NDUFAF2: variants seen among roughly 807,000 people sequenced by gnomAD.
NDUFAF2 encodes NADH dehydrogenase [ubiquinone] 1 alpha subcomplex assembly factor 2.
Under a neutral mutation model 22.8 loss-of-function variants are expected in NDUFAF2, and 13 were observed. The observed-to-expected ratio is 0.57, with a 90% CI of 0.37 to 0.91. The LOEUF (loss-of-function observed/expected upper bound fraction) is 0.91. Ranked by LOEUF, NDUFAF2 falls within the 40% of genes least tolerant of loss-of-function variation. NDUFAF2 has a pLI of 0.01. For missense variants in NDUFAF2, 162 were observed against 195.2 expected (o/e 0.83, Z 1.01); for synonymous variants, 53 against 64.2 (o/e 0.83, Z 0.84).
Position 61,144,517 on chromosome 5 carries a change from C to T in NDUFAF2, c.259-8187C>T, listed in dbSNP as rs541363388. Among the ~76,000 whole-genome samples, 8 of 152,252 alleles carry T rather than the reference C, an allele frequency of 5.3e-5. No individual in the cohort carries two copies. The South Asian group carries it at 1.7e-3, about 32-fold the overall frequency. Reference sequence around the variant, plus strand: ...TTTGTATATATACTTAGATCTGCATCTAAATATTTGATTCCATTTAATAGT... The same window carrying T: ...TTTGTATATATACTTAGATCTGCATTTAAATATTTGATTCCATTTAATAGT... On this transcript the variant is annotated intron_variant, in intron 3 of 3. Transcript: ENST00000296597.
intron 3 of NDUFAF2, among the ~76,000 whole-genome samples, chr5:61,133,141 C>T (rs1254794923): frequency 6.6e-6 from 1 of 152,094 alleles, no homozygotes; most frequent in Admixed American, 6.5e-5. Flanking sequence ...GTCACAGGCA[C>T]TATGGATGAT....
intron 1 of NDUFAF2, among the ~76,000 whole-genome samples, chr5:61,072,159 C>T (rs2111730581): frequency 6.6e-6 from 1 of 152,292 alleles, no homozygotes; most frequent in East Asian, 1.9e-4. Flanking sequence ...CAAAGGGAGA[C>T]AAAACAGCAG....
chr5:61,147,437 C>CTTTCTTTTTTTTTTT (rs1741156553), intron 3 of NDUFAF2, among the ~76,000 whole-genome samples: 3 of 84,728 alleles, frequency 3.5e-5, no homozygotes. Context: ...TTTTTTCTTT[C>CTTTCTTTTTTTTTTT]TTTTTTTTTT....
intron 2 of NDUFAF2, among the ~76,000 whole-genome samples, chr5:61,089,901 T>G (rs1752546401): frequency 6.6e-6 from 1 of 152,074 alleles, no homozygotes; most frequent in African/African-American, 2.4e-5. Flanking sequence ...ATGATTTGTA[T>G]TCAATTGAAG....
intron 1 of NDUFAF2, among the ~76,000 whole-genome samples, chr5:61,039,385 A>T (rs529769787): frequency 1.8e-3 from 278 of 152,314 alleles, no homozygotes; most frequent in Non-Finnish European, 3.4e-3. Context: ...ACTAATAGAT[A>T]ATAGTTCTTC....
intron 1 of NDUFAF2, among the ~76,000 whole-genome samples, chr5:61,008,130 C>T (rs1751394284): frequency 8.0e-6 from 1 of 124,604 alleles, no homozygotes; most frequent in Middle Eastern, 6.7e-3. Flanking sequence ...GGAAGGGGAA[C>T]ATCACACTCT....
intron 1 of NDUFAF2, among the ~76,000 whole-genome samples, chr5:61,064,115 G>GACTTCAAGTGAAAAACTATTGCAAGAA (rs1752200629): frequency 6.6e-6 from 1 of 152,052 alleles, no homozygotes; most frequent in Non-Finnish European, 1.5e-5. Context: ...TGATAAAATA[G>GACTTCAAGTGAAAAACTATTGCAAGAA]ACTTCAAGTG....
intron 3 of NDUFAF2, among the ~76,000 whole-genome samples, chr5:61,123,964 G>A (rs560639888): frequency 6.6e-6 from 1 of 152,158 alleles, no homozygotes; most frequent in South Asian, 2.1e-4. Flanking sequence ...AAGACTGGAA[G>A]GAAACATAAA....
chr5:61,034,912 A>ATGTT (rs1751777549), intron 1 of NDUFAF2, among the ~76,000 whole-genome samples: 1 of 144,888 alleles, frequency 6.9e-6, no homozygotes, highest in African/African-American at 2.6e-5. Flanking sequence ...GCAAATATAT[A>ATGTT]TGTGTGTGTG....
intron 1 of NDUFAF2, among the ~76,000 whole-genome samples, chr5:61,018,209 G>A (rs1436362529): frequency 2.0e-5 from 3 of 152,008 alleles, no homozygotes; most frequent in Admixed American, 6.6e-5. Context: ...GCTGGCTACC[G>A]GGTGTGTCTT....
chr5:60,959,575 A>G (rs999333707), intron 1 of NDUFAF2, among the ~76,000 whole-genome samples: 3 of 152,058 alleles, frequency 2.0e-5, no homozygotes, highest in Admixed American at 6.5e-5. Flanking sequence ...AGAGATCCAG[A>G]GGTCACATGA....
At chr5:61,103,755 C>T (rs1752729778) in intron 3 of NDUFAF2, among the ~76,000 whole-genome samples, 2 of 152,016 alleles carry the variant, frequency 1.3e-5, no homozygotes, top group Admixed American at 1.3e-4. Context: ...GTATTTTGTT[C>T]ATAGGAATTC....
intron 3 of NDUFAF2, among the ~76,000 whole-genome samples, chr5:61,100,691 G>A (rs187639282): frequency 3.0e-4 from 45 of 152,146 alleles, no homozygotes; most frequent in Non-Finnish European, 5.9e-4. Flanking sequence ...AAATCCGTCT[G>A]TGCCTGCAAG....
chr5:61,036,830 G>A (rs1042648933), intron 1 of NDUFAF2, among the ~76,000 whole-genome samples: 8 of 152,150 alleles, frequency 5.3e-5, no homozygotes, highest in African/African-American at 1.7e-4. Flanking sequence ...TAATGTTACT[G>A]TCCTTCTGGT....
Position 61,035,772 on chromosome 5 carries a change from G to T in NDUFAF2, c.128-37353G>T, listed in dbSNP as rs189423882. Among the ~76,000 whole-genome samples, 703 of 151,932 alleles carry T rather than the reference G, an allele frequency of 4.6e-3. 3 individuals carry two copies. The highest frequency in any genetic ancestry group is 7.1e-3 in the Non-Finnish European group (482 of 67,940). On this transcript the variant is annotated intron_variant, in intron 1 of 3. Coordinates refer to ENST00000296597, the MANE Select transcript of NDUFAF2 (RefSeq NM_174889.5). The stretch of plus-strand genomic sequence containing the variant: ...GAATGTTTTAGTTTTTTCCCAATTT[G>T]TCAATAATAAATTATTAAGATATTT...
intron 1 of NDUFAF2, among the ~76,000 whole-genome samples, chr5:61,041,068 TAA>T (rs1751876804): frequency 6.6e-6 from 1 of 152,156 alleles, no homozygotes; most frequent in African/African-American, 2.4e-5. Context: ...AGATCATTTA[TAA>T]AGATTAACAT....
rs375248353 is a variant in NDUFAF2 at position 60,962,801 on chromosome 5, C to G, written c.127+17419C>G. ...TGAGCCAAGATCACACCGCTGCACT[C>G]CAGCCAAGTGACAGAGTGAGACTGC... On this transcript the variant is annotated intron_variant, in intron 1 of 3. Transcript: ENST00000296597. Among the ~76,000 whole-genome samples the G allele has an allele frequency of 4.0e-5, 6 of 151,140 alleles. No homozygotes were observed. The East Asian group carries it at 1.2e-3, about 30-fold the overall frequency.
intron 2 of NDUFAF2, among the ~76,000 whole-genome samples, chr5:61,080,493 G>GTTCATCA (rs1475701895): frequency 6.6e-6 from 1 of 152,112 alleles, no homozygotes; most frequent in Non-Finnish European, 1.5e-5. Context: ...AGTTCAAGTT[G>GTTCATCA]TTCATCATCT....
At chr5:60,969,918 G>T (rs1750805914) in intron 1 of NDUFAF2, among the ~76,000 whole-genome samples, 2 of 152,030 alleles carry the variant, frequency 1.3e-5, no homozygotes, top group African/African-American at 2.4e-5. Flanking sequence ...AGAGATAGGG[G>T]TCTAATTTCA....
Sources: gnomAD v4.1 joint callset for allele counts (sites outside exome capture counted in the v4.1 genomes callset) on GRCh38, gnomAD v4.1.1 for gene constraint, MANE v1.5 for transcripts, NCBI Gene and HGNC (gene_info 2026-07-23, HGNC 2026-07-21) for gene names.